Variants in IDE observed in about 807,000 individuals in gnomAD.
IDE encodes the protein insulin degrading enzyme.
IDE carries 58 observed loss-of-function variants against 133.2 expected under a neutral mutation model. The observed-to-expected ratio is 0.44, with a 90% CI of 0.35 to 0.54. IDE has a LOEUF of 0.54. Ranked by LOEUF, IDE falls within the 20% of genes least tolerant of loss-of-function variation. IDE has a pLI of 0.00. For synonymous variants in IDE, 396 were observed against 421.3 expected (o/e 0.94, Z 0.73); for missense variants, 981 against 1,234.0 (o/e 0.79, Z 3.07).
intron 1 of IDE, chr10:92,541,396 C>A (rs1287679058): frequency 6.6e-6 from 3 of 457,660 alleles, no homozygotes; most frequent in Non-Finnish European, 1.4e-5. Context: ...CATAAGATCA[C>A]CTGTCTATCT....
At chr10:92,508,413 C>T (rs1848411897) in intron 7 of IDE, among the ~76,000 whole-genome samples, 1 of 152,050 alleles carries the variant, frequency 6.6e-6, no homozygotes, top group African/African-American at 2.4e-5. Flanking sequence ...AATCAATTCC[C>T]AGTCAAGAGT....
At chr10:92,539,510 A>G (rs561598763) in intron 1 of IDE, among the ~76,000 whole-genome samples, 2 of 152,298 alleles carry the variant, frequency 1.3e-5, no homozygotes, top group South Asian at 4.2e-4. Context: ...TCGCGCCTGT[A>G]ATCTCAGCAC....
intron 20 of IDE, 85 bp downstream of exon 20, chr10:92,465,591 T>C: frequency 7.8e-6 from 9 of 1,157,968 alleles, no homozygotes; most frequent in Non-Finnish European, 7.6e-6. Flanking sequence ...TATACAGTGT[T>C]AGGTGAAAAT....
intron 24 of IDE, 96 bp from the exon 25 acceptor site, chr10:92,454,635 T>C: frequency 3.7e-6 from 3 of 814,744 alleles, no homozygotes; most frequent in Non-Finnish European, 4.2e-6. Context: ...ATACCTCAGT[T>C]CTACTTAATA....
chr10:92,530,533 C>T, intron 4 of IDE, among the ~76,000 whole-genome samples: 1 of 151,140 alleles, frequency 6.6e-6, no homozygotes, highest in East Asian at 1.9e-4. Context: ...GAAATCCTCC[C>T]ACCTTGGTCT....
At chr10:92,543,970 C>T (rs910658970) in intron 1 of IDE, among the ~76,000 whole-genome samples, 4 of 152,128 alleles carry the variant, frequency 2.6e-5, no homozygotes, top group East Asian at 3.9e-4. Context: ...CCGTGGGTCA[C>T]GCCTGTAATC....
At chr10:92,510,858 CACAT>C (rs1848581755) in intron 5 of IDE, among the ~76,000 whole-genome samples, 1 of 150,096 alleles carries the variant, frequency 6.7e-6, no homozygotes. Context: ...TGATATATAT[CACAT>C]ATATATCACA....
chr10:92,571,012 G>C (rs537244320), intron 1 of IDE, among the ~76,000 whole-genome samples: 4 of 150,858 alleles, frequency 2.7e-5, no homozygotes, highest in African/African-American at 9.7e-5. Flanking sequence ...ACACAGTCTC[G>C]CTCAGTCACC....
intron 4 of IDE, among the ~76,000 whole-genome samples, chr10:92,524,694 G>A (rs1849530633): frequency 6.8e-6 from 1 of 146,616 alleles, no homozygotes; most frequent in Admixed American, 7.4e-5. Context: ...AGGCCGAGGT[G>A]GGTGGATCAC....
At chr10:92,459,753 C>G (rs1012535956) in intron 22 of IDE, among the ~76,000 whole-genome samples, 1 of 151,520 alleles carries the variant, frequency 6.6e-6, no homozygotes, top group African/African-American at 2.4e-5. Flanking sequence ...CATTCATATA[C>G]CTACCTAATG....
chr10:92,565,007 A>C (rs1212620839), intron 1 of IDE, among the ~76,000 whole-genome samples: 1 of 152,008 alleles, frequency 6.6e-6, no homozygotes, highest in African/African-American at 2.4e-5. Flanking sequence ...GCACTTTGGG[A>C]GGCTGAGGTG....
intron 11 of IDE, among the ~76,000 whole-genome samples, chr10:92,500,498 T>C (rs993142095): frequency 6.6e-6 from 1 of 152,148 alleles, no homozygotes; most frequent in Non-Finnish European, 1.5e-5. Flanking sequence ...TTACATTAGG[T>C]ATCGAAAGTA....
At chr10:92,510,199 G>A (rs749911057) in intron 5 of IDE, 37 bp from the exon 6 acceptor site, 13 of 1,066,302 alleles carry the variant, frequency 1.2e-5, no homozygotes, top group East Asian at 2.4e-5. Context: ...GAACTTAAGC[G>A]AATCATAACA....
intron 1 of IDE, among the ~76,000 whole-genome samples, chr10:92,547,104 T>C (rs1410749529): frequency 6.6e-6 from 1 of 152,146 alleles, no homozygotes; most frequent in African/African-American, 2.4e-5. Flanking sequence ...TTTTGTAAGA[T>C]AGGGTCTCAC....
chr10:92,472,998 A>G (rs1479681692), intron 17 of IDE, among the ~76,000 whole-genome samples: 1 of 146,464 alleles, frequency 6.8e-6, no homozygotes, highest in Non-Finnish European at 1.5e-5. Context: ...GCTGGAGTGC[A>G]GTGGCATTAT....
Position 92,545,328 on chromosome 10 carries a change from C to T in IDE, c.99-7778G>A, listed in dbSNP as rs186748138. Among the ~76,000 whole-genome samples, 437 of 152,206 alleles carry T rather than the reference C, an allele frequency of 2.9e-3. 3 individuals carry two copies. The highest frequency in any genetic ancestry group is 9.6e-3 in the African/African-American group (400 of 41,538). On this transcript the variant is annotated intron_variant, in intron 1 of 24. Transcript: ENST00000265986. ...GAAAAAAATTAACATGATTCTCAAGCAATATGATTATGTATATAGAAAATC... is the reference window on the plus strand; with the variant it reads ...GAAAAAAATTAACATGATTCTCAAGTAATATGATTATGTATATAGAAAATC...
In IDE at chr10:92,470,294, A is replaced by G; in HGVS notation, c.2168T>C (p.Leu723Pro). 6.2e-7 allele frequency: 1 copy of G among 1,606,176 alleles called. No individual in the cohort carries two copies. The highest frequency in any genetic ancestry group is 8.5e-7 in the Non-Finnish European group (1 of 1,175,882). ...TCCATGGAGAAGGGCTTCAATGTGC[A>G]GCCGTGACAGGAGCTGAGGTATGAA... ...KAFIPQLLSR[L>P]HIEALLHGNI... Residue 723 changes from leucine (L) to proline (P), a missense_variant, in exon 18 of 25, where the codon CTG becomes CCG. Leu to Pro is a moderately conservative substitution (Grantham distance 98, BLOSUM62 -3). Transcript: ENST00000265986.
At chr10:92,557,054 T>C (rs1487177014) in intron 1 of IDE, among the ~76,000 whole-genome samples, 1 of 152,030 alleles carries the variant, frequency 6.6e-6, no homozygotes, top group Non-Finnish European at 1.5e-5. Context: ...CCCAAATAGA[T>C]TAAAATCCCA....
intron 4 of IDE, among the ~76,000 whole-genome samples, chr10:92,521,279 A>G (rs900983455): frequency 6.6e-5 from 10 of 152,228 alleles, no homozygotes; most frequent in Non-Finnish European, 1.2e-4. Context: ...ATCACCACCT[A>G]TGAAGATGTC....
Sources: gnomAD v4.1 joint callset for allele counts (sites outside exome capture counted in the v4.1 genomes callset) on GRCh38, gnomAD v4.1.1 for gene constraint, MANE v1.5 for transcripts, NCBI Gene and HGNC (gene_info 2026-07-23, HGNC 2026-07-21) for gene names.